CCSER1: variants seen among roughly 807,000 people sequenced by gnomAD.
CCSER1 encodes serine-rich coiled-coil domain-containing protein 1.
In CCSER1, 41 loss-of-function variants were observed where a neutral mutation model predicts 82.0. That is an observed-to-expected ratio of 0.50 (90% CI 0.39 to 0.65). The LOEUF (loss-of-function observed/expected upper bound fraction) is 0.65. CCSER1 is among the 30% of genes least tolerant of loss of function. The pLI is 0.00. For synonymous variants in CCSER1, 414 were observed against 383.9 expected, an observed-to-expected ratio of 1.08 and a Z score of -0.92; for missense variants, 1,119 against 1,064.2, an observed-to-expected ratio of 1.05 and a Z score of -0.72.
chr4:90,930,562 G>A (rs147616643), intron 9 of CCSER1, among the ~76,000 whole-genome samples: 4 of 151,834 alleles, frequency 2.6e-5, no homozygotes, highest in Admixed American at 2.0e-4. Context: ...GCAGTGAGCC[G>A]AGATCGTGCC....
At chr4:90,800,355 T>A (rs1332890450) in intron 7 of CCSER1, among the ~76,000 whole-genome samples, 2 of 152,184 alleles carry the variant, frequency 1.3e-5, no homozygotes, top group African/African-American at 4.8e-5. Context: ...TTCCGCCTTG[T>A]CTTCCCAAAA....
intron 6 of CCSER1, among the ~76,000 whole-genome samples, chr4:90,648,284 G>GGAAAGAAAGAAAGGAAAGAAAGAAA (rs1728004104): frequency 1.0e-4 from 9 of 89,956 alleles, no homozygotes; most frequent in African/African-American, 3.3e-4. Flanking sequence ...GAGAAAGAAA[G>GGAAAGAAAGAAAGGAAAGAAAGAAA]GAAAGAAAGA....
At chr4:90,460,314 A>G (rs1429896281) in intron 4 of CCSER1, among the ~76,000 whole-genome samples, 3 of 140,714 alleles carry the variant, frequency 2.1e-5, no homozygotes, top group South Asian at 2.3e-4. Context: ...GACAGAGCGA[A>G]ACTCCGTCTC....
chr4:91,019,727 C>G (rs1739755119), intron 9 of CCSER1, among the ~76,000 whole-genome samples: 1 of 151,962 alleles, frequency 6.6e-6, no homozygotes, highest in South Asian at 2.1e-4. Flanking sequence ...ACTTTAGAAG[C>G]GAATTACATG....
At chr4:91,034,500 A>T (rs1330628611) in intron 9 of CCSER1, among the ~76,000 whole-genome samples, 1 of 151,942 alleles carries the variant, frequency 6.6e-6, no homozygotes, top group Non-Finnish European at 1.5e-5. Context: ...AAACCACTTT[A>T]CACATCCTTA....
At chr4:90,937,013 G>A (rs946776334) in intron 9 of CCSER1, among the ~76,000 whole-genome samples, 2 of 152,042 alleles carry the variant, frequency 1.3e-5, no homozygotes, top group African/African-American at 4.8e-5. Flanking sequence ...TGAACACCAA[G>A]CATACACAAC....
At position 91,556,120 on chromosome 4, in the gene CCSER1, G is replaced by A. The variant is rs750943777; in HGVS notation, c.2218-42452G>A. On this transcript the variant is annotated intron_variant, in intron 10 of 10. Coordinates refer to ENST00000509176, the MANE Select transcript of CCSER1 (RefSeq NM_001145065.2). ...TTTCATTGAGGAAAATGTTGTATTT[G>A]TAGTTATTTTAACGTAATATTTTTA... 5.2e-4 allele frequency among the ~76,000 whole-genome samples: 78 copies of A among 151,414 alleles called. 1 individual carries two copies. Among genetic ancestry groups the A allele is most frequent in the Non-Finnish European group, 8.3e-4 (56 of 67,548 alleles).
intron 5 of CCSER1, among the ~76,000 whole-genome samples, chr4:90,556,632 A>C (rs1579141353): frequency 6.6e-6 from 1 of 152,132 alleles, no homozygotes; most frequent in East Asian, 1.9e-4. Flanking sequence ...CAATAAAGTA[A>C]GCTAGAGAAA....
At chr4:90,212,309 TG>T (rs1246902862) in intron 1 of CCSER1, among the ~76,000 whole-genome samples, 2 of 152,202 alleles carry the variant, frequency 1.3e-5, no homozygotes, top group Non-Finnish European at 2.9e-5. Flanking sequence ...TTTAAATGTA[TG>T]ATGGAAACTA....
intron 3 of CCSER1, among the ~76,000 whole-genome samples, chr4:90,373,722 A>G (rs1224741629): frequency 6.6e-6 from 1 of 152,094 alleles, no homozygotes; most frequent in African/African-American, 2.4e-5. Flanking sequence ...GCATTTTTTC[A>G]TGTGTTGTGA....
chr4:91,564,164 T>A (rs1762779619), intron 10 of CCSER1, among the ~76,000 whole-genome samples: 1 of 152,010 alleles, frequency 6.6e-6, no homozygotes, highest in South Asian at 2.1e-4. Flanking sequence ...CTGCATTAGT[T>A]TGCTAAGGAT....
intron 1 of CCSER1, among the ~76,000 whole-genome samples, chr4:90,130,506 A>G (rs550438523): frequency 2.1e-4 from 32 of 152,374 alleles, no homozygotes; most frequent in African/African-American, 7.5e-4. Context: ...GGAATAATAG[A>G]AAAGAACATA....
chr4:90,869,651 T>C (rs186744916), intron 8 of CCSER1, among the ~76,000 whole-genome samples: 40 of 152,130 alleles, frequency 2.6e-4, no homozygotes, highest in African/African-American at 9.4e-4. Context: ...TCCTCCAGTT[T>C]TGCTCTTTTT....
chr4:90,841,753 A>G (rs1340295404), intron 8 of CCSER1, among the ~76,000 whole-genome samples: 4 of 152,156 alleles, frequency 2.6e-5, no homozygotes, highest in African/African-American at 7.2e-5. Flanking sequence ...TTTTCACATT[A>G]TAAATCAAGG....
chr4:91,563,037 T>C (rs1762724574), intron 10 of CCSER1, among the ~76,000 whole-genome samples: 1 of 151,622 alleles, frequency 6.6e-6, no homozygotes, highest in Non-Finnish European at 1.5e-5. Context: ...GGAAATTGAA[T>C]TAGTAATAAA....
chr4:90,651,379 T>C (rs1728710331), intron 6 of CCSER1, among the ~76,000 whole-genome samples: 1 of 152,148 alleles, frequency 6.6e-6, no homozygotes, highest in African/African-American at 2.4e-5. Flanking sequence ...TAAGTTCATG[T>C]CCTTTGCCAG....
chr4:90,196,280 G>T (rs1161626739), intron 1 of CCSER1, among the ~76,000 whole-genome samples: 2 of 152,006 alleles, frequency 1.3e-5, no homozygotes, highest in African/African-American at 2.4e-5. Context: ...TTAGCTATTT[G>T]TTAAGCAAGA....
At chr4:90,819,987 G>A (rs1029507445) in intron 8 of CCSER1, among the ~76,000 whole-genome samples, 2 of 152,150 alleles carry the variant, frequency 1.3e-5, no homozygotes, top group African/African-American at 4.8e-5. Flanking sequence ...TAAACAGAGA[G>A]GAAACTAGTT....
chr4:91,426,010 G>A (rs920792863), intron 10 of CCSER1, among the ~76,000 whole-genome samples: 1 of 152,024 alleles, frequency 6.6e-6, no homozygotes, highest in Non-Finnish European at 1.5e-5. Context: ...CCTACATTAG[G>A]TATTCCTCCT....
Sources: allele counts gnomAD v4.1 joint callset (sites outside exome capture counted in the v4.1 genomes callset), GRCh38; gene constraint gnomAD v4.1.1; transcripts MANE v1.5; gene names NCBI Gene and HGNC (gene_info 2026-07-23, HGNC 2026-07-21).